TTC7A: variants seen among roughly 807,000 people sequenced by gnomAD.
TTC7A encodes tetratricopeptide repeat domain 7A.
A neutral mutation model predicts 103.7 loss-of-function variants in TTC7A; 110 were observed. That is an observed-to-expected ratio of 1.06 (90% CI 0.91 to 1.24). The LOEUF (loss-of-function observed/expected upper bound fraction) is 1.24, where lower values mean the gene tolerates loss of function less well. TTC7A is among the 50% of genes most tolerant of loss of function. The pLI is 0.00. For synonymous variants in TTC7A, 521 were observed against 467.9 expected (o/e 1.11, Z -1.47); for missense variants, 1,340 against 1,116.3 (o/e 1.20, Z -2.86).
chr2:46,984,628 C>G (rs1674818058), intron 5 of TTC7A, among the ~76,000 whole-genome samples: 1 of 152,196 alleles, frequency 6.6e-6, no homozygotes, highest in African/African-American at 2.4e-5. Flanking sequence ...ATGTGAACAT[C>G]AAGGACAGCC....
chr2:46,952,025 G>C (rs1337837327), intron 2 of TTC7A, among the ~76,000 whole-genome samples: 2 of 152,208 alleles, frequency 1.3e-5, no homozygotes, highest in Non-Finnish European at 2.9e-5. Flanking sequence ...TCTGGGGCTG[G>C]ATCTAGACAA....
At chr2:47,069,697 C>T (rs566449259) in intron 19 of TTC7A, among the ~76,000 whole-genome samples, 1 of 152,206 alleles carries the variant, frequency 6.6e-6, no homozygotes, top group Non-Finnish European at 1.5e-5. Flanking sequence ...CAGGTTGAGG[C>T]TGACACACCT....
At position 47,010,872 on chromosome 2, in the gene TTC7A, G is replaced by A. The variant is rs1276113614; in HGVS notation, c.1288-459G>A. Among the ~76,000 whole-genome samples the A allele has an allele frequency of 2.0e-5, 3 of 152,118 alleles. No individual in the cohort carries two copies. In the East Asian group the frequency reaches 5.8e-4, roughly 29 times the overall value. On this transcript the variant is annotated intron_variant, in intron 10 of 19. Coordinates refer to ENST00000319190, the MANE Select transcript of TTC7A (RefSeq NM_020458.4). ...ACGCCTCCACACCTGGCTAATTTTT[G>A]TATTTTTAGTAGAGACGGGGTTTCA...
At chr2:46,921,931 T>C (rs927634364) in intron 2 of TTC7A, among the ~76,000 whole-genome samples, 7 of 152,214 alleles carry the variant, frequency 4.6e-5, no homozygotes, top group Non-Finnish European at 1.0e-4. Context: ...CAGTGCTCAC[T>C]TCCTGCTGTG....
chr2:47,027,631 TCA>T (rs1680056286), intron 14 of TTC7A, among the ~76,000 whole-genome samples: 2 of 152,196 alleles, frequency 1.3e-5, no homozygotes, highest in African/African-American at 4.8e-5. Context: ...TCTTGTGTAT[TCA>T]CAAATATAGG....
chr2:46,982,039 G>C (rs1302746743), intron 5 of TTC7A, among the ~76,000 whole-genome samples: 1 of 152,192 alleles, frequency 6.6e-6, no homozygotes, highest in Admixed American at 6.5e-5. Context: ...CGGTTGTGGG[G>C]ACAGGCACGC....
intron 5 of TTC7A, among the ~76,000 whole-genome samples, chr2:46,984,957 T>C (rs1301159341): frequency 6.6e-6 from 1 of 152,126 alleles, no homozygotes; most frequent in Admixed American, 6.5e-5. Flanking sequence ...GTGCGCTGAC[T>C]CCCACCCCTC....
intron 11 of TTC7A, among the ~76,000 whole-genome samples, chr2:47,017,485 T>C (rs1381137584): frequency 2.1e-5 from 3 of 143,066 alleles, no homozygotes; most frequent in Non-Finnish European, 4.6e-5. Flanking sequence ...TGCAGTGAGC[T>C]ATGGTCATGC....
chr2:46,975,135 G>A, intron 4 of TTC7A, 32 bp downstream of exon 4: 1 of 1,610,280 alleles, frequency 6.2e-7, no homozygotes, highest in African/African-American at 1.3e-5. Flanking sequence ...GGTAGGAGCT[G>A]CTCTCTATTG....
intron 10 of TTC7A, among the ~76,000 whole-genome samples, chr2:47,010,903 T>C (rs1321628815): frequency 6.6e-6 from 1 of 152,184 alleles, no homozygotes; most frequent in Admixed American, 6.5e-5. Context: ...TTTCACCAAG[T>C]TGGCCAGGCT....
chr2:47,073,783 CACGAGGCGTGGCAGGGCCTGG>C lies in TTC7A; in HGVS notation c.2438_2458del (p.His813_Gly820delinsArg). The C allele has an allele frequency of 1.2e-6, 2 of 1,613,814 alleles. No individual in the cohort carries two copies. Among genetic ancestry groups the C allele is most frequent in the Middle Eastern group, 1.7e-4 (1 of 6,060 alleles). On this transcript the variant is annotated inframe_deletion, in exon 20 of 20. Coordinates refer to ENST00000319190, the MANE Select transcript of TTC7A (RefSeq NM_020458.4). ...TGCCGTGGAGAGGCAGAGTACGTGC[CACGAGGCGTGGCAGGGCCTGG>C]GCGAGGTGCTGCAGGCCCAGGGCCA...
In TTC7A at chr2:46,978,783, C is replaced by T. The variant is rs1674131188; in HGVS notation, c.649-9C>T. ...GAGACAATGGCTCTCTCTCTGTTTCCCTTCCCAGACCACAAATAACAGCAC... is the reference window on the plus strand; with the variant it reads ...GAGACAATGGCTCTCTCTCTGTTTCTCTTCCCAGACCACAAATAACAGCAC... On this transcript the variant is annotated splice_polypyrimidine_tract_variant and intron_variant, in intron 4 of 19. Coordinates refer to ENST00000319190, the MANE Select transcript of TTC7A (RefSeq NM_020458.4). The T allele has an allele frequency of 6.2e-7, 1 of 1,612,200 alleles. No individual in the cohort carries two copies. The highest frequency in any genetic ancestry group is 1.1e-5 in the South Asian group (1 of 91,040).
chr2:46,950,300 C>A (rs1671290201), intron 1 of TTC7A, 63 bp from the exon 2 acceptor site: 3 of 1,575,220 alleles, frequency 1.9e-6, no homozygotes, highest in South Asian at 2.3e-5. Flanking sequence ...CAGGAGTGTG[C>A]AACTCCCTCC....
intron 10 of TTC7A, among the ~76,000 whole-genome samples, chr2:47,009,297 C>T (rs61571577): frequency 0.049 from 7,472 of 152,102 alleles, 632 homozygotes; most frequent in African/African-American, 0.17. Flanking sequence ...GGCCTCCTAC[C>T]CTCTTGTTTC....
At chr2:46,952,233 C>G (rs1572704143) in intron 2 of TTC7A, among the ~76,000 whole-genome samples, 1 of 152,100 alleles carries the variant, frequency 6.6e-6, no homozygotes, top group Non-Finnish European at 1.5e-5. Flanking sequence ...CTGCCTGACC[C>G]TGAGCATGCT....
Position 47,074,667 on chromosome 2 carries a change from T to A in TTC7A, c.*744T>A, listed in dbSNP as rs1204680808. ...TACTCCTGCAGGTCTTAGGCTACAA[T>A]GCAGGTCCCTTGAGGGCCACCAACA... On this transcript the variant is annotated 3_prime_UTR_variant, in exon 20 of 20. Transcript: ENST00000319190. 8.5e-5 allele frequency: 13 copies of A among 152,448 alleles called. No individual in the cohort carries two copies. The highest frequency in any genetic ancestry group is 5.2e-4 in the Admixed American group (8 of 15,290). The allele number at this position is 152,448 out of a possible 1,614,324, so 9.4% of individuals were successfully genotyped here.
At chr2:47,072,759 G>A (rs1390579471) in intron 19 of TTC7A, among the ~76,000 whole-genome samples, 1 of 152,122 alleles carries the variant, frequency 6.6e-6, no homozygotes, top group East Asian at 1.9e-4. Flanking sequence ...CTGAAACAGG[G>A]ATCAGTGGGA....
In TTC7A at chr2:47,005,953, C is replaced by T. The variant is rs772539826; in HGVS notation, c.1097C>T (p.Pro366Leu). 1.5e-5 allele frequency: 25 copies of T among 1,613,952 alleles called. No homozygotes were observed. The highest frequency in any genetic ancestry group is 6.7e-5 in the African/African-American group (5 of 74,896). Reference protein sequence around the residue: ...ATRDVVLSRVPEQEEDRTVSL... With the variant: ...ATRDVVLSRVLEQEEDRTVSL... ...CGAGATGTGGTGCTGAGCCGGGTGC[C>T]GGAGCAGGAGGAGGACCGGACAGTG... is the stretch of plus-strand genomic sequence containing the variant. The change falls in exon 9 of 20, where the codon CCG (proline) becomes CTG (leucine). Residue 366 changes from proline to leucine, a missense_variant. Physicochemically the swap from Pro to Leu is moderately conservative, Grantham distance 98 (BLOSUM62 -3). Transcript: ENST00000319190.
At chr2:47,072,195 C>T (rs1363622403) in intron 19 of TTC7A, among the ~76,000 whole-genome samples, 2 of 152,212 alleles carry the variant, frequency 1.3e-5, no homozygotes, top group African/African-American at 4.8e-5. Flanking sequence ...GCACCGCTCC[C>T]ATCTGGCGAG....
Sources: allele counts gnomAD v4.1 joint callset (sites outside exome capture counted in the v4.1 genomes callset), GRCh38; gene constraint gnomAD v4.1.1; transcripts MANE v1.5; gene names NCBI Gene and HGNC (gene_info 2026-07-23, HGNC 2026-07-21).